UBE3D: variants seen among roughly 807,000 people sequenced by gnomAD.
The protein encoded by UBE3D is ubiquitin protein ligase E3D, also known as E3 ubiquitin-protein ligase E3D.
Under a neutral mutation model 49.6 loss-of-function variants are expected in UBE3D, and 48 were observed. That is an observed-to-expected ratio of 0.97 (90% confidence interval 0.77 to 1.23). The LOEUF (loss-of-function observed/expected upper bound fraction) is 1.23. UBE3D is among the 50% of genes most tolerant of loss of function. The probability of loss-of-function intolerance (pLI) is 0.00; values close to 1 mark genes in which losing one functional copy is unlikely to be tolerated. For synonymous variants in UBE3D, 189 were observed against 174.2 expected, an observed-to-expected ratio of 1.08 and a Z score of -0.67; for missense variants, 452 against 468.4, an observed-to-expected ratio of 0.96 and a Z score of 0.32.
At chr6:83,016,001 T>G (rs1371592136) in intron 8 of UBE3D, among the ~76,000 whole-genome samples, 2 of 152,174 alleles carry the variant, frequency 1.3e-5, no homozygotes, top group African/African-American at 4.8e-5. Flanking sequence ...AGGGTCCCAT[T>G]TTTTCCCAAT....
At chr6:83,021,551 G>T (rs1781090722) in intron 7 of UBE3D, among the ~76,000 whole-genome samples, 1 of 151,448 alleles carries the variant, frequency 6.6e-6, no homozygotes, top group Non-Finnish European at 1.5e-5. Context: ...CCCCAAAAAA[G>T]CCATTACAAA....
intron 3 of UBE3D, among the ~76,000 whole-genome samples, chr6:83,046,695 G>A (rs1047428667): frequency 2.0e-5 from 3 of 148,048 alleles, no homozygotes; most frequent in South Asian, 2.1e-4. Context: ...CGGTGGCACC[G>A]GGGGAGCAGT....
chr6:83,008,674 C>T (rs1437105390), intron 8 of UBE3D, among the ~76,000 whole-genome samples: 1 of 152,180 alleles, frequency 6.6e-6, no homozygotes, highest in African/African-American at 2.4e-5. Flanking sequence ...TGGCAATCCA[C>T]ACTTCCATTA....
chr6:83,017,584 A>C (rs1257260616), intron 8 of UBE3D: 2 of 152,230 alleles, frequency 1.3e-5, no homozygotes, highest in African/African-American at 4.8e-5. Context: ...TTCCTTTAGA[A>C]TCACATCAGA....
At chr6:83,031,421 G>A (rs1275500629) in intron 5 of UBE3D, among the ~76,000 whole-genome samples, 1 of 152,204 alleles carries the variant, frequency 6.6e-6, no homozygotes, top group Non-Finnish European at 1.5e-5. Context: ...TTTCTGGGGG[G>A]AAATTCAAGC....
intron 5 of UBE3D, among the ~76,000 whole-genome samples, chr6:83,033,356 A>G (rs1239718937): frequency 2.6e-5 from 4 of 152,130 alleles, no homozygotes; most frequent in Non-Finnish European, 5.9e-5. Context: ...TTATTATTTT[A>G]TGAGATTTAA....
chr6:83,044,685 T>C (rs781615552), intron 3 of UBE3D, 26 bp from the exon 4 acceptor site: 55 of 1,554,012 alleles, frequency 3.5e-5, no homozygotes, highest in Non-Finnish European at 4.6e-5. Context: ...AAAATCATTT[T>C]TCACAGAACA....
the UBE3D span, among the ~76,000 whole-genome samples, chr6:82,887,336 AAG>A: frequency 2.0e-5 from 3 of 149,680 alleles, no homozygotes; most frequent in African/African-American, 7.3e-5. Flanking sequence ...AAAAAAAAAA[AAG>A]GGAGAGAGAG....
At chr6:82,952,314 T>A (rs1775861243) in intron 9 of UBE3D, among the ~76,000 whole-genome samples, 1 of 152,038 alleles carries the variant, frequency 6.6e-6, no homozygotes, top group Non-Finnish European at 1.5e-5. Flanking sequence ...TATGGAGGTA[T>A]CATGAAAATG....
intron 8 of UBE3D, among the ~76,000 whole-genome samples, chr6:82,988,824 C>A (rs1395241023): frequency 6.6e-6 from 1 of 151,070 alleles, no homozygotes; most frequent in African/African-American, 2.4e-5. Flanking sequence ...CAAAGTAAAA[C>A]CAGCTGTTAC....
intron 3 of UBE3D, among the ~76,000 whole-genome samples, chr6:83,049,091 T>G (rs915716772): frequency 6.6e-6 from 1 of 152,164 alleles, no homozygotes; most frequent in Non-Finnish European, 1.5e-5. Flanking sequence ...ATATTGATGT[T>G]TAATACTTAA....
chr6:82,940,364 A>G (rs1043098878), intron 9 of UBE3D, among the ~76,000 whole-genome samples: 3 of 152,258 alleles, frequency 2.0e-5, no homozygotes, highest in Non-Finnish European at 4.4e-5. Flanking sequence ...TGTTTTGAGG[A>G]GAGAGATGGA....
At chr6:82,903,724 T>C (rs994690848) in intron 9 of UBE3D, among the ~76,000 whole-genome samples, 7 of 152,186 alleles carry the variant, frequency 4.6e-5, no homozygotes, top group Non-Finnish European at 8.8e-5. Context: ...ATACCATTTA[T>C]TTCTTAAGTC....
intron 8 of UBE3D, among the ~76,000 whole-genome samples, chr6:82,995,278 C>A (rs1466858232): frequency 1.3e-5 from 2 of 152,108 alleles, no homozygotes; most frequent in East Asian, 3.9e-4. Flanking sequence ...TTTGACTCAG[C>A]AGTTTCAGTA....
chr6:82,975,547 T>C (rs1376595265), intron 8 of UBE3D, among the ~76,000 whole-genome samples: 3 of 152,204 alleles, frequency 2.0e-5, no homozygotes, highest in Non-Finnish European at 4.4e-5. Context: ...ACAAGAAATA[T>C]ATACTATTTT....
chr6:83,006,238 A>T (rs1779970354), intron 8 of UBE3D, among the ~76,000 whole-genome samples: 1 of 152,036 alleles, frequency 6.6e-6, no homozygotes. Context: ...AAACAAACAA[A>T]CAAAAAAAAA....
At chr6:82,941,655 C>G (rs904487159) in intron 9 of UBE3D, among the ~76,000 whole-genome samples, 3 of 152,174 alleles carry the variant, frequency 2.0e-5, no homozygotes, top group Admixed American at 6.5e-5. Context: ...AATCCCCATG[C>G]ATCAGGGGCA....
chr6:83,053,018 T>G (rs1783572251), intron 3 of UBE3D, among the ~76,000 whole-genome samples: 1 of 152,236 alleles, frequency 6.6e-6, no homozygotes, highest in South Asian at 2.1e-4. Context: ...GCAACTGATA[T>G]GGGGGGAACC....
chr6:83,031,943 T>C (rs1781905656), intron 5 of UBE3D, among the ~76,000 whole-genome samples: 1 of 152,164 alleles, frequency 6.6e-6, no homozygotes, highest in Non-Finnish European at 1.5e-5. Flanking sequence ...AGTTGAGGTT[T>C]GGGAACCTCC....
Sources: allele counts gnomAD v4.1 joint callset (sites outside exome capture counted in the v4.1 genomes callset), GRCh38; gene constraint gnomAD v4.1.1; transcripts MANE v1.5; gene names NCBI Gene and HGNC (gene_info 2026-07-23, HGNC 2026-07-21).